Variants in SLC26A4 observed in about 807,000 individuals in gnomAD.
The protein encoded by SLC26A4 is pendrin.
A neutral mutation model predicts 90.4 loss-of-function variants in SLC26A4; 93 were observed. That is an observed-to-expected ratio of 1.03 (90% CI 0.87 to 1.22). The LOEUF is 1.22. Among genes scored for constraint, SLC26A4 ranks in the 50% most tolerant of loss-of-function variants. The probability of loss-of-function intolerance (pLI) is 0.00; values close to 1 mark genes in which losing one functional copy is unlikely to be tolerated. For missense variants in SLC26A4, 1,127 were observed against 946.2 expected, an observed-to-expected ratio of 1.19 and a Z score of -2.51; for synonymous variants, 393 against 354.6, an observed-to-expected ratio of 1.11 and a Z score of -1.22.
chr7:107,670,574 T>A (rs1313697612), intron 3 of SLC26A4, among the ~76,000 whole-genome samples: 1 of 152,176 alleles, frequency 6.6e-6, no homozygotes, highest in Non-Finnish European at 1.5e-5. Flanking sequence ...GAGCATCACA[T>A]CAATTTCATT....
At chr7:107,673,189 G>A (rs1338321653) in intron 4 of SLC26A4, among the ~76,000 whole-genome samples, 1 of 151,964 alleles carries the variant, frequency 6.6e-6, no homozygotes, top group Non-Finnish European at 1.5e-5. Flanking sequence ...TGGGTTTTGA[G>A]ACCTCAAAAC....
intron 19 of SLC26A4, among the ~76,000 whole-genome samples, chr7:107,710,603 C>A (rs538940767): frequency 1.8e-4 from 28 of 152,196 alleles, no homozygotes; most frequent in African/African-American, 6.0e-4. Flanking sequence ...AAACAGGATC[C>A]ACCAGGCCAT....
chr7:107,676,843 A>T (rs770569881), intron 6 of SLC26A4, among the ~76,000 whole-genome samples: 4 of 152,192 alleles, frequency 2.6e-5, no homozygotes, highest in Admixed American at 6.5e-5. Flanking sequence ...TATGCTAAGC[A>T]GTGAGAATAG....
chr7:107,706,309 G>A (rs1191966002), intron 18 of SLC26A4, among the ~76,000 whole-genome samples: 1 of 152,174 alleles, frequency 6.6e-6, no homozygotes, highest in Non-Finnish European at 1.5e-5. Context: ...CAAGCCTGGC[G>A]AGGTATTGCT....
At chr7:107,683,133 TGTGTGC>T in intron 6 of SLC26A4, 63 bp from the exon 7 acceptor site, 1 of 1,092,116 alleles carries the variant, frequency 9.2e-7, no homozygotes, top group Non-Finnish European at 1.4e-6. Flanking sequence ...TGATTGTGTG[TGTGTGC>T]GTGTGTGTGT....
intron 9 of SLC26A4, among the ~76,000 whole-genome samples, 193 bp downstream of exon 9, chr7:107,689,393 A>G (rs1057447501): frequency 3.9e-5 from 6 of 152,202 alleles, no homozygotes; most frequent in Admixed American, 6.5e-5. Flanking sequence ...TTGCTTTTTT[A>G]AGAAATAAGT....
chr7:107,683,964 T>C (rs1168859481), intron 8 of SLC26A4, among the ~76,000 whole-genome samples: 1 of 152,230 alleles, frequency 6.6e-6, no homozygotes, highest in East Asian at 1.9e-4. Context: ...TATATCCTCG[T>C]ACCCATAAGT....
rs534490427 is a variant in SLC26A4 at position 107,715,554 on chromosome 7, A to G, written c.*108A>G. ...CACTCATTCTTTTTTCTATTAAGCC[A>G]TTGAAAGAGAAGCACTAAGACTGCT... On this transcript the variant is annotated 3_prime_UTR_variant, in exon 21 of 21. Coordinates refer to ENST00000644269, the MANE Select transcript of SLC26A4 (RefSeq NM_000441.2). 71 of 898,040 alleles carry G rather than the reference A, an allele frequency of 7.9e-5. No individual in the cohort carries two copies. In the African/African-American group the frequency reaches 1.1e-3, roughly 13 times the overall value. The allele number at this position is 898,040 out of a possible 1,614,324, so 55.6% of individuals were successfully genotyped here. A position where few individuals can be genotyped will look rare whatever the true frequency, so the allele number is the denominator to read the frequency against.
At chr7:107,689,307 C>A in intron 9 of SLC26A4, 107 bp downstream of exon 9, 1 of 1,183,704 alleles carries the variant, frequency 8.4e-7, no homozygotes. Context: ...GATTCTTTCA[C>A]CAGACCTTAT....
Position 107,701,164 on chromosome 7 carries a change from C to T in SLC26A4, c.1771C>T (p.Leu591=). 1 of 1,609,102 alleles carries T rather than the reference C, an allele frequency of 6.2e-7. No individual in the cohort carries two copies. Among genetic ancestry groups the T allele is most frequent in the Non-Finnish European group, 8.5e-7 (1 of 1,175,540 alleles). The part of the protein sequence containing the change: ...RLKALRKIQK[L]IKSGQLRATK... Reference sequence around the variant, plus strand: ...GAAAGCGCTGAGGAAAATACAGAAACTAATAAAAAGTGGACAATTAAGAGC... The same window carrying T: ...GAAAGCGCTGAGGAAAATACAGAAATTAATAAAAAGTGGACAATTAAGAGC... Residue 591 remains leucine (L), a synonymous_variant, in exon 16 of 21, where the codon CTA becomes TTA. Transcript: ENST00000644269.
chr7:107,710,309 A>G (rs941608945), intron 19 of SLC26A4, 110 bp downstream of exon 19: 3 of 823,470 alleles, frequency 3.6e-6, no homozygotes, highest in Non-Finnish European at 6.2e-6. Context: ...AGCTACCTAT[A>G]TAACTTCATG....
intron 10 of SLC26A4, chr7:107,693,162 G>A (rs1463430799): frequency 7.4e-6 from 2 of 271,484 alleles, no homozygotes; most frequent in Non-Finnish European, 1.1e-5. Flanking sequence ...GAAGGGAAGG[G>A]ATATGAAGGA....
chr7:107,701,357 G>A (rs1015827483), intron 16 of SLC26A4, among the ~76,000 whole-genome samples, 161 bp downstream of exon 16: 4 of 152,150 alleles, frequency 2.6e-5, no homozygotes, highest in Admixed American at 6.5e-5. Context: ...ATAGGCAAGC[G>A]GGAGTGGAAG....
intron 19 of SLC26A4, among the ~76,000 whole-genome samples, chr7:107,710,853 G>A (rs1792166438): frequency 6.6e-6 from 1 of 152,030 alleles, no homozygotes; most frequent in South Asian, 2.1e-4. Context: ...TGCTCCTGGT[G>A]GTACAAGAAT....
intron 4 of SLC26A4, among the ~76,000 whole-genome samples, chr7:107,672,804 T>A (rs958405196): frequency 2.6e-5 from 4 of 152,222 alleles, no homozygotes; most frequent in East Asian, 1.9e-4. Flanking sequence ...GTATGGCTTA[T>A]AATAAGTTTT....
rs2072065 is a variant in SLC26A4 at position 107,694,216 on chromosome 7, C to T, written c.1264-187C>T. On this transcript the variant is annotated intron_variant, in intron 10 of 20. Transcript: ENST00000644269. The stretch of plus-strand genomic sequence containing the variant: ...TTCTCTGCCATAGCATATATAGATG[C>T]CATTTTTGTTCAGTTTTGTGGCTTG... Among the ~76,000 whole-genome samples the T allele has an allele frequency of 0.46, 69,640 of 151,968 alleles. 16,002 individuals are homozygous for T. Among genetic ancestry groups the T allele is most frequent in the East Asian group, 0.63 (3,254 of 5,160 alleles).
rs1273317060 is a variant in SLC26A4 at position 107,702,068 on chromosome 7, G to T, written c.2034+11G>T. The T allele has an allele frequency of 6.4e-7, 1 of 1,562,808 alleles. No individual in the cohort carries two copies. The highest frequency in any genetic ancestry group is 8.8e-7 in the Non-Finnish European group (1 of 1,133,406). The stretch of plus-strand genomic sequence containing the variant: ...AGATCACTGCGGGTGGTAAGGTTCT[G>T]GTTTTCTGAATTATACATTTGGAGC... On this transcript the variant is annotated intron_variant, in intron 17 of 20. Transcript: ENST00000644269.
intron 8 of SLC26A4, among the ~76,000 whole-genome samples, chr7:107,685,790 C>T (rs1791380575): frequency 1.3e-5 from 2 of 152,232 alleles, no homozygotes; most frequent in African/African-American, 4.8e-5. Context: ...ATCTGCAACT[C>T]GTAATCTGCC....
At chr7:107,698,651 G>A (rs547316672) in intron 14 of SLC26A4, among the ~76,000 whole-genome samples, 1 of 152,206 alleles carries the variant, frequency 6.6e-6, no homozygotes, top group East Asian at 1.9e-4. Context: ...ACTGTTGTAA[G>A]AGGAATTTAA....
Sources: allele counts gnomAD v4.1 joint callset (sites outside exome capture counted in the v4.1 genomes callset), GRCh38; gene constraint gnomAD v4.1.1; transcripts MANE v1.5; gene names NCBI Gene and HGNC (gene_info 2026-07-23, HGNC 2026-07-21).